Variants in NFATC1 observed in about 807,000 individuals in gnomAD.
NFATC1 encodes nuclear factor of activated T-cells, cytoplasmic 1.
NFATC1 carries 22 observed loss-of-function variants against 76.0 expected under a neutral mutation model. That is an observed-to-expected ratio of 0.29 (90% CI 0.21 to 0.41). NFATC1 has a LOEUF of 0.41. Among genes scored for constraint, NFATC1 ranks in the 10% least tolerant of loss-of-function variants. NFATC1 has a pLI of 1.00. For synonymous variants in NFATC1, 704 were observed against 613.1 expected (o/e 1.15, Z -2.19); for missense variants, 1,357 against 1,337.7 (o/e 1.01, Z -0.23).
chr18:79,402,163 G>A (rs533370594), intron 1 of NFATC1, among the ~76,000 whole-genome samples: 3 of 152,258 alleles, frequency 2.0e-5, no homozygotes, highest in Admixed American at 6.5e-5. Context: ...GGACACCGCC[G>A]GCGGCGGCAT....
At chr18:79,489,459 C>A (rs915084912) in intron 9 of NFATC1, among the ~76,000 whole-genome samples, 1 of 152,232 alleles carries the variant, frequency 6.6e-6, no homozygotes, top group Non-Finnish European at 1.5e-5. Context: ...GCCCAGGATT[C>A]GCCAGCTGTA....
Position 79,486,725 on chromosome 18 carries a change from A to T in NFATC1, c.2570A>T (p.Glu857Val), listed in dbSNP as rs2089510346. Residue 857 changes from glutamate to valine, a missense_variant, in exon 9 of 10, where the codon GAG becomes GTG. Transcript: ENST00000427363. The stretch of plus-strand genomic sequence containing the variant: ...CCTCCACTCCCGCCTGCCACCCAAG[A>T]GCCGACCTGCCTGCAGCCCTGCAGC... ...PSPPLPPATQ[E>V]PTCLQPCSPA... The T allele has an allele frequency of 6.3e-7, 1 of 1,598,604 alleles. No individual in the cohort carries two copies. Among genetic ancestry groups the T allele is most frequent in the Non-Finnish European group, 8.5e-7 (1 of 1,174,864 alleles).
Position 79,410,308 on chromosome 18 carries a change from C to G in NFATC1, c.128-95C>G. On this transcript the variant is annotated intron_variant, in intron 1 of 9. Coordinates refer to ENST00000427363, the MANE Select transcript of NFATC1 (RefSeq NM_001278669.2). The surrounding 1 kb of genome is among the most constrained non-coding windows in gnomAD (Gnocchi z 6.7). ...GGCCCGCTCCTTGGGGTCCGTTGGT[C>G]GAGGCCGGGGGTTGCTGGCCGGCCC... 1 of 1,516,700 alleles carries G rather than the reference C, an allele frequency of 6.6e-7. No homozygotes were observed. The highest frequency in any genetic ancestry group is 1.4e-5 in the African/African-American group (1 of 72,366). The allele number at this position is 1,516,700 out of a possible 1,614,324, so 94.0% of individuals were successfully genotyped here.
intron 9 of NFATC1, among the ~76,000 whole-genome samples, chr18:79,523,175 A>G (rs1189132534): frequency 6.6e-6 from 1 of 152,244 alleles, no homozygotes; most frequent in Non-Finnish European, 1.5e-5. Flanking sequence ...GGGAAATGGT[A>G]GTTTGTTCAT....
At chr18:79,474,730 T>C (rs1224409517) in intron 8 of NFATC1, among the ~76,000 whole-genome samples, 1 of 149,634 alleles carries the variant, frequency 6.7e-6, no homozygotes, top group Non-Finnish European at 1.5e-5. Flanking sequence ...ACGCTCACTG[T>C]CGACATTGTA....
At chr18:79,473,155 C>G (rs1209169714) in intron 8 of NFATC1, among the ~76,000 whole-genome samples, 2 of 152,238 alleles carry the variant, frequency 1.3e-5, no homozygotes, top group Non-Finnish European at 2.9e-5. Context: ...GCGCCACGCT[C>G]CAGGTCGCCA....
intron 9 of NFATC1, among the ~76,000 whole-genome samples, chr18:79,489,237 G>A (rs970709637): frequency 6.6e-6 from 1 of 152,252 alleles, no homozygotes; most frequent in African/African-American, 2.4e-5. Context: ...GCATGGGTGT[G>A]GGTGTGACCC....
chr18:79,517,913 C>A (rs1175303513), intron 9 of NFATC1, among the ~76,000 whole-genome samples: 7 of 152,224 alleles, frequency 4.6e-5, no homozygotes, highest in African/African-American at 1.7e-4. Context: ...TAGTCTTCAT[C>A]TGTGCTACTT....
intron 1 of NFATC1, among the ~76,000 whole-genome samples, chr18:79,398,256 A>G (rs954822042): frequency 2.6e-5 from 4 of 152,264 alleles, no homozygotes; most frequent in Non-Finnish European, 4.4e-5. Flanking sequence ...CGCTCCAGAC[A>G]CAATGCCCCA....
chr18:79,451,511 C>T (rs909197465), intron 5 of NFATC1, among the ~76,000 whole-genome samples, 165 bp from the exon 6 acceptor site: 8 of 152,224 alleles, frequency 5.3e-5, no homozygotes, highest in Admixed American at 1.3e-4. Flanking sequence ...GAAGTGTGCA[C>T]GGCTTCTCCC....
In NFATC1 at chr18:79,433,700, G is replaced by A. The variant is rs766854798; in HGVS notation, c.1348G>A (p.Ala450Thr). The change falls in exon 3 of 10, where the codon GCC (alanine) becomes ACC (threonine). Residue 450 changes from alanine (A) to threonine (T), a missense_variant. By Grantham distance (58) the Ala-to-Thr change is moderately conservative. Coordinates refer to ENST00000427363, the MANE Select transcript of NFATC1 (RefSeq NM_001278669.2). ...AHYETEGSRG[A>T]VKASAGGHPI... is the part of the protein sequence containing the mutation. ...CTACGAGACGGAGGGCAGCCGGGGG[G>A]CCGTGAAGGCGTCGGCCGGAGGACA... The A allele has an allele frequency of 1.9e-6, 3 of 1,613,178 alleles. No homozygotes were observed. The highest frequency in any genetic ancestry group is 1.7e-5 in the Admixed American group (1 of 60,020).
At chr18:79,452,821 A>G (rs111364418) in intron 6 of NFATC1, among the ~76,000 whole-genome samples, 5,112 of 152,170 alleles carry the variant, frequency 0.034, 256 homozygotes, top group African/African-American at 0.11. Flanking sequence ...ATGCCCCCAC[A>G]AGGCCTGTTT....
chr18:79,400,189 G>T, intron 1 of NFATC1: 5 of 1,170,590 alleles, frequency 4.3e-6, no homozygotes, highest in Non-Finnish European at 5.3e-6. Flanking sequence ...CGTGTCCGGG[G>T]AGTTTATTTA....
chr18:79,396,814 C>A (rs551706649), intron 1 of NFATC1, among the ~76,000 whole-genome samples: 1 of 151,546 alleles, frequency 6.6e-6, no homozygotes, highest in South Asian at 2.1e-4. Context: ...ACCCCCACCC[C>A]GAGCTCGTGG....
At chr18:79,404,927 G>A (rs1012173786) in intron 1 of NFATC1, among the ~76,000 whole-genome samples, 2 of 152,252 alleles carry the variant, frequency 1.3e-5, no homozygotes, top group Non-Finnish European at 2.9e-5. Flanking sequence ...GTCAGGCACC[G>A]ATACAGTTTT....
intron 9 of NFATC1, among the ~76,000 whole-genome samples, chr18:79,499,914 C>G (rs1206976875): frequency 6.6e-6 from 1 of 152,110 alleles, no homozygotes; most frequent in Non-Finnish European, 1.5e-5. Context: ...TGATCTTAAA[C>G]CTGATACATT....
chr18:79,430,419 G>C (rs2086551558), intron 2 of NFATC1, among the ~76,000 whole-genome samples: 1 of 152,158 alleles, frequency 6.6e-6, no homozygotes, highest in Non-Finnish European at 1.5e-5. Context: ...GTCTCACTCT[G>C]TTGCCCAGGC....
intron 2 of NFATC1, among the ~76,000 whole-genome samples, chr18:79,413,558 A>T (rs2085770530): frequency 6.6e-6 from 1 of 152,088 alleles, no homozygotes; most frequent in Non-Finnish European, 1.5e-5. Context: ...GCCTCATTTG[A>T]ACTTGATCGC....
At position 79,400,627 on chromosome 18, in the gene NFATC1, A is replaced by T. The variant is rs980672708; in HGVS notation, c.127+4276A>T. ...GAGGGGCTACGGCGGGGGACGCTGC[A>T]GTGCGGGGCGTCCTGGGCTCGGATG... On this transcript the variant is annotated intron_variant, in intron 1 of 9. Coordinates refer to ENST00000427363, the MANE Select transcript of NFATC1 (RefSeq NM_001278669.2). 4.4e-6 allele frequency: 3 copies of T among 682,734 alleles called. No individual in the cohort carries two copies. In the African/African-American group the frequency reaches 5.7e-5, roughly 13 times the overall value. 42.3% of individuals were successfully genotyped at this position (682,734 alleles called of 1,614,324 possible).
Sources: gnomAD v4.1 joint callset for allele counts (sites outside exome capture counted in the v4.1 genomes callset) on GRCh38, gnomAD v4.1.1 for gene constraint, Gnocchi (gnomAD v3.1) non-coding constraint, MANE v1.5 for transcripts, NCBI Gene and HGNC (gene_info 2026-07-23, HGNC 2026-07-21) for gene names.